SMS: variants seen among roughly 807,000 people sequenced by gnomAD.
SMS encodes spermidine aminopropyltransferase.
In SMS, 3 loss-of-function variants were observed where a neutral mutation model predicts 33.0. The observed-to-expected ratio is 0.09, with a 90% CI of 0.04 to 0.23. The LOEUF is 0.23. Among genes scored for constraint, SMS ranks in the 10% least tolerant of loss-of-function variants. The pLI, the probability that SMS is intolerant of heterozygous loss-of-function variation, is 1.00. For synonymous variants in SMS, 103 were observed against 112.2 expected (o/e 0.92, Z 0.52); for missense variants, 117 against 288.6 (o/e 0.41, Z 4.31).
At chrX:21,958,826 G>A (rs1923148085) in intron 1 of SMS, among the ~76,000 whole-genome samples, 1 of 112,947 alleles carries the variant, frequency 8.9e-6, no homozygotes, top group Non-Finnish European at 1.9e-5. Context: ...ACAAGCATGT[G>A]CCATCACACA....
intron 1 of SMS, among the ~76,000 whole-genome samples, chrX:21,955,096 A>G (rs1217092227): frequency 2.7e-5 from 3 of 111,646 alleles, no homozygotes; most frequent in Non-Finnish European, 5.6e-5. Context: ...TTGGCCTCCT[A>G]AAGTGCTGTG....
Position 21,992,677 on chromosome X carries a change from A to C in SMS, c.1026A>C (p.Ser342=), listed in dbSNP as rs61732077. The C allele has an allele frequency of 5.5e-3, 6,543 of 1,194,374 alleles. 12 individuals carry two copies. Among genetic ancestry groups the C allele is most frequent in the Non-Finnish European group, 6.9e-3 (6,040 of 881,448 alleles). ...LGRLYCPVEF[S]KEIVCVPSYL... ...GCCTGTATTGTCCTGTGGAATTTTC[A>C]AAGGAGATCGTCTGTGTCCCTTCAT... Residue 342 remains serine, a synonymous_variant, in exon 10 of 11, where the codon TCA becomes TCC. Transcript: ENST00000404933.
intron 2 of SMS, among the ~76,000 whole-genome samples, chrX:21,969,565 G>A (rs762304800): frequency 2.7e-5 from 3 of 111,489 alleles, no homozygotes; most frequent in Admixed American, 1.9e-4. Context: ...CACCGCCTCC[G>A]GTGGCAGGCT....
intron 1 of SMS, among the ~76,000 whole-genome samples, chrX:21,962,796 T>C (rs1454888848): frequency 9.0e-6 from 1 of 111,293 alleles, no homozygotes; most frequent in Non-Finnish European, 1.9e-5. Flanking sequence ...GCTGGGACTA[T>C]AGGGGCATGC....
chrX:21,941,557 C>G (rs955427572), intron 1 of SMS, among the ~76,000 whole-genome samples: 3 of 110,226 alleles, frequency 2.7e-5, no homozygotes, highest in Non-Finnish European at 5.7e-5. Flanking sequence ...GAGGTCTGGG[C>G]GCGGGAATCG....
rs749368121 is a variant in SMS, at chrX:21,991,393, G to A, written c.946-1204G>A. ...AGGGTTTCACCATGTTGGCCAGGCC[G>A]GTCTCAAACTCATGACCTCAGGTGA... On this transcript the variant is annotated intron_variant, in intron 9 of 10. Transcript: ENST00000404933. Among the ~76,000 whole-genome samples, 25 of 110,852 alleles carry A rather than the reference G, an allele frequency of 2.3e-4. No homozygotes were observed. The South Asian group carries it at 8.7e-3, about 39-fold the overall frequency.
intron 2 of SMS, among the ~76,000 whole-genome samples, chrX:21,970,954 T>C (rs1386525823): frequency 9.1e-6 from 1 of 109,395 alleles, no homozygotes; most frequent in East Asian, 2.8e-4. Context: ...CTCAACACTT[T>C]GGGAGGCCAA....
intron 7 of SMS, among the ~76,000 whole-genome samples, chrX:21,983,563 G>C (rs974812206): frequency 1.8e-5 from 2 of 111,617 alleles, no homozygotes; most frequent in Non-Finnish European, 3.8e-5. Context: ...ATCTGTATGG[G>C]AATTCCAGCT....
Position 21,940,749 on chromosome X carries a change from G to A in SMS, c.-76G>A. 5 of 870,164 alleles carry A rather than the reference G, an allele frequency of 5.7e-6. No individual in the cohort carries two copies. Among genetic ancestry groups the A allele is most frequent in the Non-Finnish European group, 6.3e-6 (4 of 635,493 alleles). 71.7% of individuals were successfully genotyped at this position (870,164 alleles called of 1,213,427 possible). A position where few individuals can be genotyped will look rare whatever the true frequency, so the allele number is the denominator to read the frequency against. On this transcript the variant is annotated 5_prime_UTR_variant, in exon 1 of 11. Coordinates refer to ENST00000404933, the MANE Select transcript of SMS (RefSeq NM_004595.5). ...GGGCGCAGCACACTCCCAGCCGGCC[G>A]CAGCCTGACACGCCGCGCGGCCCCC...
chrX:21,944,452 C>G (rs1296173758), intron 1 of SMS, among the ~76,000 whole-genome samples: 1 of 97,769 alleles, frequency 1.0e-5, no homozygotes, highest in African/African-American at 3.9e-5. Flanking sequence ...TTCCAGCACT[C>G]TGGGAGGCGA....
At position 21,981,090 on chromosome X, in the gene SMS, G is replaced by A. The variant is rs140137442; in HGVS notation, c.750+2124G>A. Among the ~76,000 whole-genome samples the A allele has an allele frequency of 6.7e-3, 751 of 111,741 alleles. 10 individuals carry two copies. The highest frequency in any genetic ancestry group is 0.023 in the African/African-American group (711 of 30,744). ...AATCCCAGCACTTTGGGAGGCCGAGGTGGGTGGATCACTTGAAGTCAGGAG... is the reference window on the plus strand; with the variant it reads ...AATCCCAGCACTTTGGGAGGCCGAGATGGGTGGATCACTTGAAGTCAGGAG... On this transcript the variant is annotated intron_variant, in intron 7 of 10. Coordinates refer to ENST00000404933, the MANE Select transcript of SMS (RefSeq NM_004595.5).
chrX:21,988,758 CTGCT>C (rs770925755), intron 9 of SMS, among the ~76,000 whole-genome samples: 3 of 109,125 alleles, frequency 2.7e-5, no homozygotes, highest in Non-Finnish European at 3.8e-5. Context: ...CCACCCAAAA[CTGCT>C]AGCTGTGAGT....
chrX:21,950,297 A>G (rs1297402978), intron 1 of SMS, among the ~76,000 whole-genome samples: 1 of 111,068 alleles, frequency 9.0e-6, no homozygotes. Context: ...GAAGATGGTC[A>G]TGGGTTTCTC....
chrX:21,941,860 G>A (rs953391872), intron 1 of SMS, among the ~76,000 whole-genome samples: 3 of 81,686 alleles, frequency 3.7e-5, no homozygotes, highest in Admixed American at 1.6e-4. Context: ...ACTCCAGCCT[G>A]GGCGACAGAG....
chrX:21,966,946 C>T (rs755423446), intron 1 of SMS, among the ~76,000 whole-genome samples: 5 of 111,263 alleles, frequency 4.5e-5, no homozygotes, highest in East Asian at 5.6e-4. Context: ...TTCTTACCGT[C>T]GTGTAATCTG....
At chrX:21,992,468 C>T in intron 9 of SMS, 129 bp from the exon 10 acceptor site, 1 of 505,392 alleles carries the variant, frequency 2.0e-6, no homozygotes, top group South Asian at 2.7e-5. Context: ...AATACAGAAG[C>T]CTTATCTTGT....
chrX:21,987,958 T>G (rs1925469489), intron 9 of SMS, among the ~76,000 whole-genome samples: 1 of 112,722 alleles, frequency 8.9e-6, no homozygotes, highest in Non-Finnish European at 1.9e-5. Context: ...TTGTGAATAT[T>G]AATGACCCAG....
intron 2 of SMS, among the ~76,000 whole-genome samples, chrX:21,971,034 TA>T: frequency 9.1e-6 from 1 of 109,450 alleles, no homozygotes; most frequent in Middle Eastern, 4.7e-3. Context: ...CCGTCTCTAC[TA>T]AAAATACAAA....
intron 7 of SMS, among the ~76,000 whole-genome samples, chrX:21,980,380 G>A (rs1329639138): frequency 1.2e-5 from 1 of 86,337 alleles, no homozygotes. Context: ...TTGCACCACT[G>A]CACTCCAGCC....
Sources: gnomAD v4.1 joint callset for allele counts (sites outside exome capture counted in the v4.1 genomes callset) on GRCh38, gnomAD v4.1.1 for gene constraint, MANE v1.5 for transcripts, NCBI Gene and HGNC (gene_info 2026-07-23, HGNC 2026-07-21) for gene names.